VCF1: variants seen among roughly 807,000 people sequenced by gnomAD.
VCF1 encodes the protein VCP nuclear cofactor family member 1, also known as protein VCF1.
the VCF1 span, among the ~76,000 whole-genome samples, chr17:73,224,121 AG>A: frequency 2.0e-5 from 3 of 149,524 alleles, no homozygotes; most frequent in Non-Finnish European, 4.5e-5. Flanking sequence ...GGGAGAACAG[AG>A]GGAAGGAAGG....
the VCF1 span, among the ~76,000 whole-genome samples, chr17:73,217,874 A>T: frequency 6.6e-6 from 1 of 152,102 alleles, no homozygotes; most frequent in East Asian, 1.9e-4. Flanking sequence ...TGAGAGGCTG[A>T]GGCAGGAGAA....
the VCF1 span, among the ~76,000 whole-genome samples, chr17:73,220,894 A>ATTTT: frequency 4.9e-4 from 47 of 96,654 alleles, 1 homozygote; most frequent in African/African-American, 8.9e-4. Flanking sequence ...TTTAATTTAG[A>ATTTT]TTTTTTTTTT....
At chr17:73,208,095 C>T in the VCF1 span, 1 of 1,442,394 alleles carries the variant, frequency 6.9e-7, no homozygotes, top group Non-Finnish European at 9.1e-7. Context: ...TTTCCCAAGA[C>T]AGTCCTCATT....
At chr17:73,220,985 G>A in the VCF1 span, among the ~76,000 whole-genome samples, 62 of 131,074 alleles carry the variant, frequency 4.7e-4, 3 homozygotes, top group African/African-American at 1.7e-3. Flanking sequence ...TGCAACCTCC[G>A]CCTCCCGGGT....
the VCF1 span, among the ~76,000 whole-genome samples, chr17:73,212,910 TA>T: frequency 5.9e-5 from 9 of 152,194 alleles, no homozygotes; most frequent in Admixed American, 2.6e-4. Context: ...TTTTATTTTT[TA>T]TTTTTTTTAG....
chr17:73,230,291 GTCAA>G, the VCF1 span, among the ~76,000 whole-genome samples: 8 of 152,146 alleles, frequency 5.3e-5, no homozygotes, highest in East Asian at 1.4e-3. Context: ...GTGAGACTCT[GTCAA>G]TCAATCAGTC....
At chr17:73,209,628 C>T in the VCF1 span, 3 of 1,564,572 alleles carry the variant, frequency 1.9e-6, no homozygotes, top group Non-Finnish European at 1.7e-6. Context: ...GCGCGGACTG[C>T]TCGGGCACGG....
chr17:73,210,222 G>C, the VCF1 span, among the ~76,000 whole-genome samples: 5 of 152,136 alleles, frequency 3.3e-5, no homozygotes, highest in African/African-American at 1.2e-4. Context: ...TATAAGCGAA[G>C]ATAAAAACTA....
chr17:73,223,280 G>A, the VCF1 span, among the ~76,000 whole-genome samples: 1 of 152,142 alleles, frequency 6.6e-6, no homozygotes, highest in African/African-American at 2.4e-5. Context: ...TTGCGCCATT[G>A]CACTCCAGTC....
At chr17:73,230,906 A>G in the VCF1 span, among the ~76,000 whole-genome samples, 1 of 152,388 alleles carries the variant, frequency 6.6e-6, no homozygotes, top group Non-Finnish European at 1.5e-5. Context: ...GGAAATATTT[A>G]GATTTTTTTT....
chr17:73,207,710 C>G, the VCF1 span: 1 of 1,292,072 alleles, frequency 7.7e-7, no homozygotes, highest in Non-Finnish European at 1.0e-6. Flanking sequence ...AGTACGATGC[C>G]AACTGTTAAG....
the VCF1 span, chr17:73,229,202 C>T: frequency 1.0e-6 from 1 of 985,466 alleles, no homozygotes; most frequent in South Asian, 4.7e-5. Flanking sequence ...GTAGCCTTCT[C>T]CTCTGGATGG....
the VCF1 span, chr17:73,212,801 A>G: frequency 7.7e-7 from 1 of 1,300,076 alleles, no homozygotes; most frequent in Non-Finnish European, 1.1e-6. Context: ...ATCTCAAATT[A>G]TATCTATTTC....
the VCF1 span, among the ~76,000 whole-genome samples, chr17:73,231,577 C>T: frequency 6.6e-6 from 1 of 152,218 alleles, no homozygotes; most frequent in African/African-American, 2.4e-5. Flanking sequence ...GTCATCTGCC[C>T]TTCTGTGTTC....
the VCF1 span, among the ~76,000 whole-genome samples, chr17:73,218,519 G>A: frequency 0.025 from 3,867 of 152,136 alleles, 182 homozygotes; most frequent in African/African-American, 0.089. Flanking sequence ...AAAAAATAAG[G>A]CCCAGCAGTA....
the VCF1 span, chr17:73,208,620 C>T: frequency 1.2e-6 from 1 of 833,656 alleles, no homozygotes; most frequent in East Asian, 2.5e-5. Context: ...TAATCCTTGT[C>T]CCAAAATTTC....
chr17:73,216,897 A>G, the VCF1 span, among the ~76,000 whole-genome samples: 2 of 152,180 alleles, frequency 1.3e-5, no homozygotes, highest in African/African-American at 4.8e-5. Flanking sequence ...GAAACTAAAC[A>G]ACTCCAAACA....
the VCF1 span, chr17:73,229,117 G>A: frequency 3.3e-5 from 32 of 982,404 alleles, no homozygotes; most frequent in African/African-American, 4.9e-4. Context: ...ATCTCTGGGA[G>A]AGTCACATGA....
the VCF1 span, among the ~76,000 whole-genome samples, chr17:73,225,901 T>TA: frequency 2.9e-3 from 230 of 78,264 alleles, 3 homozygotes; most frequent in East Asian, 0.019. Flanking sequence ...ATATATATAT[T>TA]TTTTTTTTTT....
Sources: allele counts gnomAD v4.1 joint callset (sites outside exome capture counted in the v4.1 genomes callset), GRCh38; gene constraint gnomAD v4.1.1; transcripts MANE v1.5; gene names NCBI Gene and HGNC (gene_info 2026-07-23, HGNC 2026-07-21).